The following KPNA5 variants were observed in gnomAD, a reference collection of about 807,000 sequenced individuals.
KPNA5 encodes karyopherin subunit alpha 5, also known as importin subunit alpha-6.
In KPNA5, 46 loss-of-function variants were observed where a neutral mutation model predicts 71.3. The observed-to-expected ratio is 0.65, with a 90% CI of 0.51 to 0.83. The LOEUF (loss-of-function observed/expected upper bound fraction) is 0.83. KPNA5 is among the 40% of genes least tolerant of loss of function. KPNA5 has a pLI of 0.00. For synonymous variants in KPNA5, 207 were observed against 201.4 expected, an observed-to-expected ratio of 1.03 and a Z score of -0.24; for missense variants, 547 against 628.3, an observed-to-expected ratio of 0.87 and a Z score of 1.38.
At position 116,689,432 on chromosome 6, in the gene KPNA5, A is replaced by G. The variant is rs9481656; in HGVS notation, c.117A>G (p.Arg39=). 6.9e-3 allele frequency: 10,899 copies of G among 1,589,276 alleles called. 357 individuals are homozygous for G. The African/African-American group carries it at 0.071, about 10-fold the overall frequency. The part of the protein sequence containing the change: ...RRREEEGIQL[R]KQKREEQLFK... ...GAGAAGAAGAAGGAATACAGCTTAG[A>G]AAACAAAAAAGAGAAGAACAGGTAG... Residue 39 remains arginine (R), a synonymous_variant, in exon 2 of 14, where the codon AGA becomes AGG. Coordinates refer to ENST00000368564, the MANE Select transcript of KPNA5 (RefSeq NM_001366306.2).
At chr6:116,683,412 A>T (rs1777434133) in intron 1 of KPNA5, among the ~76,000 whole-genome samples, 1 of 152,098 alleles carries the variant, frequency 6.6e-6, no homozygotes, top group East Asian at 1.9e-4. Context: ...TAAATATTTT[A>T]TATATATTGA....
At chr6:116,709,535 T>A (rs645522) in intron 7 of KPNA5, among the ~76,000 whole-genome samples, 124,271 of 151,800 alleles carry the variant, frequency 0.82, 50,927 homozygotes, top group South Asian at 0.9. Flanking sequence ...AAATTTTTTT[T>A]AAAAAAAGAT....
chr6:116,723,064 G>A (rs774930555), intron 9 of KPNA5, among the ~76,000 whole-genome samples: 16 of 152,144 alleles, frequency 1.1e-4, no homozygotes, highest in Non-Finnish European at 1.8e-4. Context: ...CCACTGGGGT[G>A]AGCAGATAAG....
chr6:116,729,592 C>A lies in KPNA5; in HGVS notation c.1283C>A (p.Pro428Gln), dbSNP rs780057044. Reference protein sequence around the residue: ...RYLVALGCIKPLCDLLTVMDS... With the variant: ...RYLVALGCIKQLCDLLTVMDS... ...TTGGTAGCTTTAGGCTGCATTAAAC[C>A]ACTTTGTGATCTTTTGACTGTTATG... The change falls in exon 13 of 14, where the codon CCA becomes CAA. Residue 428 changes from proline to glutamine, a missense_variant. Pro to Gln is a moderately conservative substitution (Grantham distance 76). Transcript: ENST00000368564. 3.8e-6 allele frequency: 6 copies of A among 1,589,192 alleles called. No individual in the cohort carries two copies. Among genetic ancestry groups the A allele is most frequent in the Non-Finnish European group, 5.1e-6 (6 of 1,167,492 alleles).
At chr6:116,726,875 A>G (rs1189864005) in intron 12 of KPNA5, among the ~76,000 whole-genome samples, 4 of 152,020 alleles carry the variant, frequency 2.6e-5, no homozygotes, top group Non-Finnish European at 4.4e-5. Flanking sequence ...GGAACGGTCT[A>G]TGTTAATTTG....
At chr6:116,705,026 C>A in intron 6 of KPNA5, 46 bp from the exon 7 acceptor site, 1 of 1,368,198 alleles carries the variant, frequency 7.3e-7, no homozygotes, top group South Asian at 1.3e-5. Context: ...AAAGGAAAGC[C>A]TCTAATTTAA....
chr6:116,710,929 C>G (rs1778651244), intron 7 of KPNA5, among the ~76,000 whole-genome samples: 1 of 103,818 alleles, frequency 9.6e-6, no homozygotes. Context: ...GAGTCTTGCT[C>G]TGTTGCACAG....
chr6:116,700,364 G>T (rs562217968), intron 5 of KPNA5, among the ~76,000 whole-genome samples: 4 of 152,090 alleles, frequency 2.6e-5, no homozygotes, highest in African/African-American at 2.4e-5. Flanking sequence ...CATCTACTTG[G>T]GAGGCTGAAG....
chr6:116,682,956 C>T (rs564578320), intron 1 of KPNA5, among the ~76,000 whole-genome samples: 8 of 152,196 alleles, frequency 5.3e-5, no homozygotes, highest in East Asian at 1.9e-4. Flanking sequence ...AATCTGAAGC[C>T]GGAAGTCAGT....
chr6:116,706,960 C>G (rs555654831), intron 7 of KPNA5, among the ~76,000 whole-genome samples: 1 of 152,018 alleles, frequency 6.6e-6, no homozygotes, highest in South Asian at 2.1e-4. Context: ...GTCAGGAGAT[C>G]GAGACCATCC....
Position 116,738,442 on chromosome 6 carries a change from T to A in KPNA5, c.*6119T>A, listed in dbSNP as rs1301944298. The A allele has an allele frequency of 6.6e-6, 1 of 152,084 alleles. No homozygotes were observed. Among genetic ancestry groups the A allele is most frequent in the African/African-American group, 2.4e-5 (1 of 41,412 alleles). 9.4% of individuals were successfully genotyped at this position (152,084 alleles called of 1,614,324 possible). ...AGGTACAAGGAGGAACTGGTACCAT[T>A]CCTTCTGAAACTATTCCAATCAATA... On this transcript the variant is annotated 3_prime_UTR_variant, in exon 14 of 14. Coordinates refer to ENST00000368564, the MANE Select transcript of KPNA5 (RefSeq NM_001366306.2).
intron 7 of KPNA5, among the ~76,000 whole-genome samples, chr6:116,713,914 T>C (rs573085331): frequency 1.1e-4 from 17 of 152,314 alleles, no homozygotes; most frequent in African/African-American, 4.1e-4. Context: ...GTGATGATTC[T>C]CTATTTGTTG....
At position 116,725,732 on chromosome 6, in the gene KPNA5, C is replaced by T; in HGVS notation, c.1000-19C>T. 1 of 1,589,480 alleles carries T rather than the reference C, an allele frequency of 6.3e-7. No individual in the cohort carries two copies. The highest frequency in any genetic ancestry group is 8.6e-7 in the Non-Finnish European group (1 of 1,167,848). On this transcript the variant is annotated intron_variant, in intron 10 of 13. Coordinates refer to ENST00000368564, the MANE Select transcript of KPNA5 (RefSeq NM_001366306.2). ...TATTTACTATAAAACTTTTTGTTTC[C>T]ATTTCTAACTTGTTTTAGGTAATTT...
At chr6:116,730,514 A>G (rs1779443906) in intron 13 of KPNA5, among the ~76,000 whole-genome samples, 1 of 151,978 alleles carries the variant, frequency 6.6e-6, no homozygotes, top group African/African-American at 2.4e-5. Flanking sequence ...TTCTGTGTAT[A>G]TGTTTATTTC....
rs1779650341 is a variant in KPNA5 at position 116,735,780 on chromosome 6, T to G, written c.*3457T>G. 1 of 151,686 alleles carries G rather than the reference T, an allele frequency of 6.6e-6. No homozygotes were observed. The highest frequency in any genetic ancestry group is 6.6e-5 in the Admixed American group (1 of 15,154). 9.4% of individuals were successfully genotyped at this position (151,686 alleles called of 1,614,324 possible). On this transcript the variant is annotated 3_prime_UTR_variant, in exon 14 of 14. Coordinates refer to ENST00000368564, the MANE Select transcript of KPNA5 (RefSeq NM_001366306.2). ...AAAAAATAGAATTATAAAAAATAGCTAATCCAAAACTAGACAGAAAAAGAG... is the reference window on the plus strand; with the variant it reads ...AAAAAATAGAATTATAAAAAATAGCGAATCCAAAACTAGACAGAAAAAGAG...
chr6:116,734,125 T>C lies in KPNA5; in HGVS notation c.*1802T>C, dbSNP rs914652272. 9 of 151,812 alleles carry C rather than the reference T, an allele frequency of 5.9e-5. No homozygotes were observed. The highest frequency in any genetic ancestry group is 1.9e-4 in the African/African-American group (8 of 41,414). The allele number at this position is 151,812 out of a possible 1,614,324, so 9.4% of individuals were successfully genotyped here. A position where few individuals can be genotyped will look rare whatever the true frequency, so the allele number is the denominator to read the frequency against. ...CTGTATTCAAAAAACAGGGTAGTTA[T>C]ATTAAAGCTTACCAAATTGATGGTG... On this transcript the variant is annotated 3_prime_UTR_variant, in exon 14 of 14. Coordinates refer to ENST00000368564, the MANE Select transcript of KPNA5 (RefSeq NM_001366306.2).
intron 1 of KPNA5, among the ~76,000 whole-genome samples, chr6:116,689,068 A>G (rs1009884861): frequency 1.3e-5 from 2 of 152,206 alleles, no homozygotes; most frequent in African/African-American, 4.8e-5. Flanking sequence ...CTTAGAATCA[A>G]TAAGATAGGG....
At position 116,729,158 on chromosome 6, in the gene KPNA5, C is replaced by CGTGTGTGTGTGTGT. The variant is rs150925835; in HGVS notation, c.1254-376_1254-363dup. 8.8e-4 allele frequency among the ~76,000 whole-genome samples: 99 copies of CGTGTGTGTGTGTGT among 112,156 alleles called. 2 individuals are homozygous for CGTGTGTGTGTGTGT. Among genetic ancestry groups the CGTGTGTGTGTGTGT allele is most frequent in the East Asian group, 2.0e-3 (7 of 3,540 alleles). 73.6% of individuals were successfully genotyped at this position (112,156 alleles called of 152,430 possible). A position where few individuals can be genotyped will look rare whatever the true frequency, so the allele number is the denominator to read the frequency against. ...TTTCTGTCTACCCCCATATGACCTC[C>CGTGTGTGTGTGTGT]GTGTGTGTGTGTGTGTGTGTGTGTG... On this transcript the variant is annotated intron_variant, in intron 12 of 13. Transcript: ENST00000368564.
chr6:116,709,984 C>T (rs1435249890), intron 7 of KPNA5, among the ~76,000 whole-genome samples: 1 of 152,116 alleles, frequency 6.6e-6, no homozygotes, highest in Non-Finnish European at 1.5e-5. Context: ...TGGTCTCCAT[C>T]TCCTAACCTC....
Sources: allele counts gnomAD v4.1 joint callset (sites outside exome capture counted in the v4.1 genomes callset), GRCh38; gene constraint gnomAD v4.1.1; transcripts MANE v1.5; gene names NCBI Gene and HGNC (gene_info 2026-07-23, HGNC 2026-07-21).